FREM2: variants seen among roughly 807,000 people sequenced by gnomAD.
FREM2 encodes FRAS1-related extracellular matrix protein 2.
In FREM2, 119 loss-of-function variants were observed where a neutral mutation model predicts 219.9. That is an observed-to-expected ratio of 0.54 (90% confidence interval 0.47 to 0.63). The LOEUF (loss-of-function observed/expected upper bound fraction) is 0.63. FREM2 is among the 30% of genes least tolerant of loss of function. The pLI, the probability that FREM2 is intolerant of heterozygous loss-of-function variation, is 0.00. For missense variants in FREM2, 4,030 were observed against 3,993.6 expected (o/e 1.01, Z -0.25); for synonymous variants, 1,562 against 1,522.8 (o/e 1.03, Z -0.60).
At chr13:38,767,221 C>A (rs1873471998) in intron 3 of FREM2, among the ~76,000 whole-genome samples, 1 of 152,206 alleles carries the variant, frequency 6.6e-6, no homozygotes, top group Non-Finnish European at 1.5e-5. Context: ...CTATTCTCTC[C>A]TTCCACAAAC....
chr13:38,876,098 A>G lies in FREM2; in HGVS notation c.8358A>G (p.Glu2786=). 1 of 1,614,148 alleles carries G rather than the reference A, an allele frequency of 6.2e-7. No homozygotes were observed. The highest frequency in any genetic ancestry group is 1.3e-5 in the African/African-American group (1 of 75,030). ...LTFSLRLIRS[E]PTYNQPVQQW... is the part of the protein sequence containing the mutation. ...TTTCCCTCCGCCTCATAAGGAGTGAACCAACCTATAACCAGCCAGTACAGC... is the reference window on the plus strand; with the variant it reads ...TTTCCCTCCGCCTCATAAGGAGTGAGCCAACCTATAACCAGCCAGTACAGC... The change falls in exon 19 of 24, where the codon GAA becomes GAG. Residue 2786 remains glutamate, a synonymous_variant. Transcript: ENST00000280481.
chr13:38,803,038 T>C (rs1875082248), intron 6 of FREM2, among the ~76,000 whole-genome samples: 1 of 152,184 alleles, frequency 6.6e-6, no homozygotes, highest in Admixed American at 6.5e-5. Context: ...TTAGATTGTC[T>C]ATTCAAAGTT....
intron 6 of FREM2, among the ~76,000 whole-genome samples, chr13:38,804,266 A>G (rs773364643): frequency 6.6e-6 from 1 of 151,870 alleles, no homozygotes; most frequent in Non-Finnish European, 1.5e-5. Context: ...GCAAGTGCCA[A>G]CAAAGTGAAA....
At chr13:38,817,517 G>A (rs1022819341) in intron 6 of FREM2, among the ~76,000 whole-genome samples, 1 of 152,078 alleles carries the variant, frequency 6.6e-6, no homozygotes, top group African/African-American at 2.4e-5. Flanking sequence ...TCTACGTGCA[G>A]AAGAATGAAA....
Position 38,885,275 on chromosome 13 carries a change from AATTTT to A in FREM2, c.*4497_*4501del, listed in dbSNP as rs2137948557. 1 of 152,266 alleles carries A rather than the reference AATTTT, an allele frequency of 6.6e-6. No individual in the cohort carries two copies. Among genetic ancestry groups the A allele is most frequent in the South Asian group, 2.1e-4 (1 of 4,832 alleles). 9.4% of individuals were successfully genotyped at this position (152,266 alleles called of 1,614,324 possible). A position where few individuals can be genotyped will look rare whatever the true frequency, so the allele number is the denominator to read the frequency against. On this transcript the variant is annotated 3_prime_UTR_variant, in exon 24 of 24. Coordinates refer to ENST00000280481, the MANE Select transcript of FREM2 (RefSeq NM_207361.6). Reference sequence around the variant, plus strand: ...GACAAAATACACTAATGTCTTTCTTAATTTTATTTTATTAGGAGAAAAATCAGAAT... The same window carrying A: ...GACAAAATACACTAATGTCTTTCTTAATTTTATTAGGAGAAAAATCAGAAT...
chr13:38,813,698 G>A (rs1294274029), intron 6 of FREM2, among the ~76,000 whole-genome samples: 1 of 149,014 alleles, frequency 6.7e-6, no homozygotes. Context: ...AAATTGGTTT[G>A]GTGTTCTATA....
chr13:38,784,009 G>A (rs1199363042), intron 5 of FREM2, among the ~76,000 whole-genome samples: 1 of 152,250 alleles, frequency 6.6e-6, no homozygotes, highest in African/African-American at 2.4e-5. Context: ...TGAGGCAGAA[G>A]AGTTGCTTGA....
intron 6 of FREM2, among the ~76,000 whole-genome samples, chr13:38,810,769 C>G (rs1036351933): frequency 6.6e-6 from 1 of 151,738 alleles, no homozygotes; most frequent in Admixed American, 6.6e-5. Flanking sequence ...GATATTAGCC[C>G]ATAGTTTTCT....
At chr13:38,718,462 TTTA>T (rs1220647024) in intron 2 of FREM2, among the ~76,000 whole-genome samples, 6 of 152,178 alleles carry the variant, frequency 3.9e-5, no homozygotes, top group African/African-American at 1.4e-4. Flanking sequence ...CCTTCTCCCT[TTTA>T]TTATTAATGG....
At chr13:38,728,010 C>G (rs1419617060) in intron 2 of FREM2, among the ~76,000 whole-genome samples, 1 of 152,194 alleles carries the variant, frequency 6.6e-6, no homozygotes, top group Non-Finnish European at 1.5e-5. Context: ...CAAGTACACA[C>G]TGGACATTGG....
At position 38,691,189 on chromosome 13, in the gene FREM2, C is replaced by T. The variant is rs774772287; in HGVS notation, c.3845C>T (p.Thr1282Ile). 6.2e-7 allele frequency: 1 copy of T among 1,613,954 alleles called. No individual in the cohort carries two copies. The highest frequency in any genetic ancestry group is 8.5e-7 in the Non-Finnish European group (1 of 1,180,008). ...GAAGACAGTTTTGTGATTAAACTAA[C>T]AGATGGGAAGCACTCTGTGGAAAAG... is the stretch of plus-strand genomic sequence containing the variant. ...TQEDSFVIKL[T>I]DGKHSVEKTV... Residue 1282 changes from threonine to isoleucine, a missense_variant, in exon 1 of 24, where the codon ACA becomes ATA. By Grantham distance (89) the Thr-to-Ile change is moderately conservative. Coordinates refer to ENST00000280481, the MANE Select transcript of FREM2 (RefSeq NM_207361.6).
At chr13:38,752,899 T>C (rs117202719) in intron 2 of FREM2, among the ~76,000 whole-genome samples, 1,774 of 152,222 alleles carry the variant, frequency 0.012, 11 homozygotes, top group Non-Finnish European at 0.017. Flanking sequence ...AGAGTCTCCT[T>C]TGGGGTGCGG....
In FREM2 at chr13:38,777,030, T is replaced by A. The variant is rs531532161; in HGVS notation, c.5642-6040T>A. On this transcript the variant is annotated intron_variant, in intron 4 of 23. Transcript: ENST00000280481. ...TGACATGTGTACTTTTATATTATGA[T>A]ATACATATATTATATTCCATATACA... 2.0e-5 allele frequency among the ~76,000 whole-genome samples: 3 copies of A among 151,874 alleles called. No homozygotes were observed. The East Asian group carries it at 5.8e-4, about 29-fold the overall frequency.
At chr13:38,702,536 TTTTG>T (rs1870383475) in intron 2 of FREM2, among the ~76,000 whole-genome samples, 3 of 152,240 alleles carry the variant, frequency 2.0e-5, no homozygotes, top group Non-Finnish European at 4.4e-5. Flanking sequence ...GTGTAAACTT[TTTTG>T]TTTGTTTGTT....
chr13:38,762,727 G>T (rs61051742), intron 2 of FREM2, among the ~76,000 whole-genome samples: 1 of 152,012 alleles, frequency 6.6e-6, no homozygotes, highest in Admixed American at 6.6e-5. Flanking sequence ...GAGCCACCAC[G>T]CCCGGCCCCA....
At chr13:38,786,399 A>G (rs1055270373) in intron 6 of FREM2, among the ~76,000 whole-genome samples, 3 of 152,194 alleles carry the variant, frequency 2.0e-5, no homozygotes, top group Admixed American at 6.5e-5. Flanking sequence ...ATAATACCCT[A>G]TAAGTATAAG....
intron 2 of FREM2, among the ~76,000 whole-genome samples, chr13:38,718,065 A>G (rs575789514): frequency 6.6e-5 from 10 of 152,270 alleles, no homozygotes; most frequent in Non-Finnish European, 8.8e-5. Flanking sequence ...TTTTCATATG[A>G]TATGTGTTAC....
chr13:38,846,460 A>G, intron 6 of FREM2, 113 bp from the exon 7 acceptor site: 1 of 1,053,290 alleles, frequency 9.5e-7, no homozygotes, highest in Non-Finnish European at 1.4e-6. Context: ...AAAAAGTATG[A>G]TGATATAAGG....
At chr13:38,729,816 G>A (rs947832095) in intron 2 of FREM2, among the ~76,000 whole-genome samples, 2 of 152,182 alleles carry the variant, frequency 1.3e-5, no homozygotes, top group Non-Finnish European at 1.5e-5. Flanking sequence ...GTATTCCATA[G>A]AGTGAGTTAG....
Sources: allele counts gnomAD v4.1 joint callset (sites outside exome capture counted in the v4.1 genomes callset), GRCh38; gene constraint gnomAD v4.1.1; transcripts MANE v1.5; gene names NCBI Gene and HGNC (gene_info 2026-07-23, HGNC 2026-07-21).